Variants in GSDMC observed in about 807,000 individuals in gnomAD.
GSDMC encodes the protein gasdermin-C.
A neutral mutation model predicts 58.0 loss-of-function variants in GSDMC; 59 were observed. The observed-to-expected ratio is 1.02, with a 90% CI of 0.82 to 1.26. GSDMC has a LOEUF of 1.26. GSDMC is among the 50% of genes most tolerant of loss of function. GSDMC has a pLI of 0.00. For synonymous variants in GSDMC, 241 were observed against 220.2 expected, an observed-to-expected ratio of 1.09 and a Z score of -0.83; for missense variants, 659 against 598.5, an observed-to-expected ratio of 1.10 and a Z score of -1.06.
At chr8:129,716,835 G>A in the GSDMC span, among the ~76,000 whole-genome samples, 1 of 152,112 alleles carries the variant, frequency 6.6e-6, no homozygotes, top group Non-Finnish European at 1.5e-5. Flanking sequence ...AAGGTGTGTT[G>A]AATTTTATTG....
intron 3 of GSDMC, among the ~76,000 whole-genome samples, chr8:129,769,161 A>G (rs1258890356): frequency 6.6e-6 from 1 of 152,164 alleles, no homozygotes; most frequent in Non-Finnish European, 1.5e-5. Context: ...GTGGGCATCA[A>G]AATTTGTGAC....
At chr8:129,734,961 A>G in the GSDMC span, among the ~76,000 whole-genome samples, 1 of 152,196 alleles carries the variant, frequency 6.6e-6, no homozygotes, top group Non-Finnish European at 1.5e-5. Context: ...ATGGAGGAAG[A>G]TCTACCAAGC....
At chr8:129,734,908 C>T in the GSDMC span, among the ~76,000 whole-genome samples, 1 of 152,148 alleles carries the variant, frequency 6.6e-6, no homozygotes, top group African/African-American at 2.4e-5. Context: ...GTGCTGTATT[C>T]AGGACACCCA....
intron 10 of GSDMC, 97 bp from the exon 11 acceptor site, chr8:129,750,667 C>T (rs1384486049): frequency 3.3e-6 from 4 of 1,221,288 alleles, no homozygotes; most frequent in Non-Finnish European, 4.7e-6. Flanking sequence ...ATGAACCAAA[C>T]TCCTCTATCC....
Position 129,748,705 on chromosome 8 carries a change from G to T in GSDMC, c.1323C>A (p.Pro441=). ...RSILEPNFRY[P]WSIPFTLKPE... ...GTTTGAGGGTGAAGGGAATGCTCCA[G>T]GGGTATCTGAAGTTTGGCTCCAGGA... The change falls in exon 14 of 14, where the codon CCC becomes CCA. Residue 441 remains proline, a synonymous_variant. Coordinates refer to ENST00000276708, the MANE Select transcript of GSDMC (RefSeq NM_031415.3). 6.4e-7 allele frequency: 1 copy of T among 1,560,124 alleles called. No homozygotes were observed. Among genetic ancestry groups the T allele is most frequent in the Non-Finnish European group, 8.7e-7 (1 of 1,155,396 alleles).
intron 6 of GSDMC, among the ~76,000 whole-genome samples, chr8:129,755,437 T>A (rs751462475): frequency 2.6e-5 from 4 of 152,154 alleles, no homozygotes; most frequent in Non-Finnish European, 4.4e-5. Flanking sequence ...AGTAATTTCA[T>A]CAACACCAGA....
rs2033137290 is a variant in GSDMC at position 129,750,411 on chromosome 8, G to A, written c.1083+20C>T. 1.9e-6 allele frequency: 3 copies of A among 1,608,590 alleles called. No homozygotes were observed. Among genetic ancestry groups the A allele is most frequent in the East Asian group, 4.5e-5 (2 of 44,842 alleles). On this transcript the variant is annotated intron_variant, in intron 11 of 13. Transcript: ENST00000276708. Reference sequence around the variant, plus strand: ...CATTTACAGCTTTTACCAGACCTATGCAACTGTGGAGCCCCTCACCATGTT... The same window carrying A: ...CATTTACAGCTTTTACCAGACCTATACAACTGTGGAGCCCCTCACCATGTT...
intron 6 of GSDMC, among the ~76,000 whole-genome samples, chr8:129,753,517 G>A (rs904744988): frequency 1.3e-5 from 2 of 152,206 alleles, no homozygotes; most frequent in African/African-American, 2.4e-5. Flanking sequence ...TATGTAGTGG[G>A]CCTTGGGCTC....
the GSDMC span, among the ~76,000 whole-genome samples, chr8:129,738,824 A>T: frequency 1.7e-4 from 26 of 152,270 alleles, no homozygotes; most frequent in East Asian, 4.4e-3. Flanking sequence ...AAAGAAAAAA[A>T]ATACTTCTAA....
the GSDMC span, among the ~76,000 whole-genome samples, chr8:129,709,905 G>T: frequency 6.6e-6 from 1 of 152,164 alleles, no homozygotes; most frequent in Admixed American, 6.6e-5. Context: ...CACCATAGAG[G>T]TCTCAGCTTT....
intron 1 of GSDMC, among the ~76,000 whole-genome samples, chr8:129,781,248 T>C (rs2034398434): frequency 1.3e-5 from 2 of 151,896 alleles, no homozygotes. Context: ...TTGAATTAAT[T>C]AAAAAAACAA....
At chr8:129,742,846 A>T in the GSDMC span, among the ~76,000 whole-genome samples, 1 of 152,150 alleles carries the variant, frequency 6.6e-6, no homozygotes, top group Non-Finnish European at 1.5e-5. Flanking sequence ...CTGCTACTCC[A>T]TGTTGGCCAG....
rs759529407 is a variant in GSDMC at position 129,776,171 on chromosome 8, T to C, written c.335A>G (p.Asp112Gly). Residue 112 changes from aspartate (D) to glycine (G), a missense_variant, in exon 3 of 14, where the codon GAC (aspartate) becomes GGC (glycine). By Grantham distance (94) the Asp-to-Gly change is moderately conservative. Transcript: ENST00000276708. ...EVSVSGEASV[D>G]HGCSLEFQIV... Reference sequence around the variant, plus strand: ...TTGAAACTCGAGGGAGCATCCATGGTCCACAGAGGCCTCCCCTGACACACT... The same window carrying C: ...TTGAAACTCGAGGGAGCATCCATGGCCCACAGAGGCCTCCCCTGACACACT... The C allele has an allele frequency of 3.1e-6, 5 of 1,613,880 alleles. No individual in the cohort carries two copies. The highest frequency in any genetic ancestry group is 2.5e-6 in the Non-Finnish European group (3 of 1,179,888).
chr8:129,718,128 C>T, the GSDMC span, among the ~76,000 whole-genome samples: 1 of 152,014 alleles, frequency 6.6e-6, no homozygotes, highest in Non-Finnish European at 1.5e-5. Context: ...GACTTCATGA[C>T]TAAAACACAA....
the GSDMC span, among the ~76,000 whole-genome samples, chr8:129,720,591 T>C: frequency 2.0e-5 from 3 of 152,226 alleles, no homozygotes; most frequent in Non-Finnish European, 4.4e-5. Context: ...TACATGTTCA[T>C]GCACCTGTGT....
chr8:129,766,857 T>C (rs537266149), intron 3 of GSDMC, among the ~76,000 whole-genome samples: 1 of 151,954 alleles, frequency 6.6e-6, no homozygotes, highest in African/African-American at 2.4e-5. Flanking sequence ...TCCTAGGAGG[T>C]CCAGCTCTGT....
At position 129,748,627 on chromosome 8, in the gene GSDMC, C is replaced by G. The variant is rs747260455; in HGVS notation, c.1401G>C (p.Leu467=). 1 of 1,613,068 alleles carries G rather than the reference C, an allele frequency of 6.2e-7. No individual in the cohort carries two copies. Among genetic ancestry groups the G allele is most frequent in the Non-Finnish European group, 8.5e-7 (1 of 1,179,548 alleles). Residue 467 remains leucine, a synonymous_variant, in exon 14 of 14, where the codon CTG becomes CTC. Coordinates refer to ENST00000276708, the MANE Select transcript of GSDMC (RefSeq NM_031415.3). ...QSEGLAITYG[L]LEECGLRMEL... is the part of the protein sequence containing the mutation. ...CCATCCTAAGGCCACACTCCTCCAGCAGGCCATAGGTGATGGCCAAACCCT... is the reference window on the plus strand; with the variant it reads ...CCATCCTAAGGCCACACTCCTCCAGGAGGCCATAGGTGATGGCCAAACCCT...
In GSDMC at chr8:129,749,914, G is replaced by T; in HGVS notation, c.1213+76C>A. The T allele has an allele frequency of 3.3e-6, 4 of 1,212,200 alleles. 1 individual carries two copies. The South Asian group carries it at 4.5e-5, about 14-fold the overall frequency. 75.1% of individuals were successfully genotyped at this position (1,212,200 alleles called of 1,614,324 possible). A position where few individuals can be genotyped will look rare whatever the true frequency, so the allele number is the denominator to read the frequency against. On this transcript the variant is annotated intron_variant, in intron 12 of 13. Transcript: ENST00000276708. ...GCATTCAAAGGGCTTTGGAGACACAGCATCTAACACAGCTTTTTGCGGGTC... is the reference window on the plus strand; with the variant it reads ...GCATTCAAAGGGCTTTGGAGACACATCATCTAACACAGCTTTTTGCGGGTC...
intron 6 of GSDMC, among the ~76,000 whole-genome samples, chr8:129,758,086 C>T (rs1358844931): frequency 1.3e-5 from 2 of 152,142 alleles, no homozygotes; most frequent in African/African-American, 4.8e-5. Context: ...CAATGTGATA[C>T]ATTATATCAA....
Sources: allele counts gnomAD v4.1 joint callset (sites outside exome capture counted in the v4.1 genomes callset), GRCh38; gene constraint gnomAD v4.1.1; transcripts MANE v1.5; gene names NCBI Gene and HGNC (gene_info 2026-07-23, HGNC 2026-07-21).